The following PRKCI variants were observed in gnomAD, a reference collection of about 807,000 sequenced individuals.
PRKCI encodes protein kinase C iota type.
PRKCI carries 43 observed loss-of-function variants against 84.0 expected under a neutral mutation model. The ratio of observed to expected loss-of-function variants is 0.51; its 90% CI spans 0.40 to 0.66. The LOEUF is 0.66. Ranked by LOEUF, PRKCI falls within the 30% of genes least tolerant of loss-of-function variation. The probability of loss-of-function intolerance (pLI) is 0.00; values close to 1 mark genes in which losing one functional copy is unlikely to be tolerated. For synonymous variants in PRKCI, 216 were observed against 234.4 expected, an observed-to-expected ratio of 0.92 and a Z score of 0.72; for missense variants, 459 against 745.6, an observed-to-expected ratio of 0.62 and a Z score of 4.48.
intron 2 of PRKCI, among the ~76,000 whole-genome samples, chr3:170,253,346 C>T (rs1733501030): frequency 6.6e-6 from 1 of 152,176 alleles, no homozygotes; most frequent in South Asian, 2.1e-4. Flanking sequence ...TCCTTTCCAG[C>T]ATTTGTTATT....
At chr3:170,271,212 A>C (rs1343650120) in intron 6 of PRKCI, among the ~76,000 whole-genome samples, 1 of 152,172 alleles carries the variant, frequency 6.6e-6, no homozygotes, top group Non-Finnish European at 1.5e-5. Context: ...AAACATGTAT[A>C]AGAGTAGGTG....
intron 2 of PRKCI, among the ~76,000 whole-genome samples, chr3:170,249,733 G>A (rs1340656897): frequency 6.6e-6 from 1 of 151,548 alleles, no homozygotes; most frequent in Non-Finnish European, 1.5e-5. Flanking sequence ...GGAGGTCAAG[G>A]CTGCAGTGAA....
At chr3:170,271,603 G>A (rs1459168104) in intron 6 of PRKCI, among the ~76,000 whole-genome samples, 1 of 151,286 alleles carries the variant, frequency 6.6e-6, no homozygotes, top group African/African-American at 2.4e-5. Context: ...CAATTTAATT[G>A]TAAAAGAAAC....
intron 17 of PRKCI, 36 bp from the exon 18 acceptor site, chr3:170,303,004 A>G: frequency 6.9e-7 from 1 of 1,439,352 alleles, no homozygotes. Flanking sequence ...AGAAATCTTG[A>G]TTATGATGAA....
Position 170,303,319 on chromosome 3 carries a change from T to G in PRKCI, c.*192T>G. 1 of 385,624 alleles carries G rather than the reference T, an allele frequency of 2.6e-6. No homozygotes were observed. The highest frequency in any genetic ancestry group is 1.1e-4 in the South Asian group (1 of 9,048). 23.9% of individuals were successfully genotyped at this position (385,624 alleles called of 1,614,324 possible). ...TGAAAAAAAAATTAATACTACTAGC[T>G]TCCAGACAATCATGTCAAAATTTAG... On this transcript the variant is annotated 3_prime_UTR_variant, in exon 18 of 18. Transcript: ENST00000295797.
intron 2 of PRKCI, among the ~76,000 whole-genome samples, chr3:170,254,631 T>C (rs1733538406): frequency 6.6e-6 from 1 of 152,168 alleles, no homozygotes; most frequent in South Asian, 2.1e-4. Flanking sequence ...ATGAGTTCAC[T>C]CTAGATGTAT....
intron 11 of PRKCI, among the ~76,000 whole-genome samples, chr3:170,283,100 G>A (rs1398781841): frequency 8.3e-5 from 12 of 144,562 alleles, no homozygotes; most frequent in Non-Finnish European, 1.6e-4. Context: ...GCGAGACTCC[G>A]TCTCAAAAAA....
chr3:170,298,402 ATTTTTTT>A (rs1207108049), intron 16 of PRKCI, among the ~76,000 whole-genome samples: 3 of 129,592 alleles, frequency 2.3e-5, no homozygotes, highest in East Asian at 4.5e-4. Context: ...CTAATTTTCA[ATTTTTTT>A]TTTTTTTTTT....
chr3:170,234,907 C>T (rs949518662), intron 1 of PRKCI, among the ~76,000 whole-genome samples: 1 of 151,760 alleles, frequency 6.6e-6, no homozygotes, highest in Non-Finnish European at 1.5e-5. Context: ...TGTTCCCCCC[C>T]TGAGAAGGAT....
chr3:170,294,020 T>C (rs1010546861), intron 14 of PRKCI, among the ~76,000 whole-genome samples: 12 of 152,212 alleles, frequency 7.9e-5, no homozygotes, highest in Middle Eastern at 6.3e-3. Context: ...ATACATTCTT[T>C]CTTTTCTATA....
intron 2 of PRKCI, among the ~76,000 whole-genome samples, chr3:170,244,037 G>A (rs1733207987): frequency 6.6e-6 from 1 of 152,206 alleles, no homozygotes; most frequent in South Asian, 2.1e-4. Context: ...TTCATCGCTG[G>A]TTCCTGACAG....
At chr3:170,252,387 G>A (rs1253310375) in intron 2 of PRKCI, among the ~76,000 whole-genome samples, 1 of 152,070 alleles carries the variant, frequency 6.6e-6, no homozygotes, top group African/African-American at 2.4e-5. Context: ...ATGTGTTTAT[G>A]GGGTACATGA....
At chr3:170,266,479 C>T (rs903108869) in intron 4 of PRKCI, among the ~76,000 whole-genome samples, 6 of 151,604 alleles carry the variant, frequency 4.0e-5, no homozygotes, top group Non-Finnish European at 5.9e-5. Context: ...TTTAATACTG[C>T]CTCTAATCGT....
chr3:170,294,040 C>T (rs1734635519), intron 14 of PRKCI, among the ~76,000 whole-genome samples: 1 of 152,086 alleles, frequency 6.6e-6, no homozygotes, highest in African/African-American at 2.4e-5. Context: ...AGTCTTCACT[C>T]CTGTTCACAG....
intron 2 of PRKCI, among the ~76,000 whole-genome samples, chr3:170,252,305 G>C (rs551152428): frequency 7.1e-6 from 1 of 141,622 alleles, no homozygotes; most frequent in Non-Finnish European, 1.5e-5. Context: ...GAAATACTTG[G>C]CCAAATTTTA....
chr3:170,247,862 T>C (rs1733329630), intron 2 of PRKCI, among the ~76,000 whole-genome samples: 1 of 151,918 alleles, frequency 6.6e-6, no homozygotes, highest in Non-Finnish European at 1.5e-5. Context: ...ACTACTGTTG[T>C]TATTGGGCCT....
chr3:170,256,591 A>G (rs1733587237), intron 2 of PRKCI, among the ~76,000 whole-genome samples: 1 of 151,674 alleles, frequency 6.6e-6, no homozygotes, highest in Admixed American at 6.6e-5. Context: ...AGGTTTGTTG[A>G]TACTATTTGT....
At chr3:170,293,292 TTTC>T (rs1734608218) in intron 13 of PRKCI, 88 bp from the exon 14 acceptor site, 1 of 1,306,112 alleles carries the variant, frequency 7.7e-7, no homozygotes, top group Admixed American at 2.4e-5. Flanking sequence ...TTTTTCATTG[TTTC>T]TTTTTCCTTT....
At chr3:170,239,448 C>T (rs1345472138) in intron 2 of PRKCI, among the ~76,000 whole-genome samples, 1 of 152,138 alleles carries the variant, frequency 6.6e-6, no homozygotes, top group African/African-American at 2.4e-5. Flanking sequence ...TCATTTCATA[C>T]CATTTATTTG....
Sources: gnomAD v4.1 joint callset for allele counts (sites outside exome capture counted in the v4.1 genomes callset) on GRCh38, gnomAD v4.1.1 for gene constraint, MANE v1.5 for transcripts, NCBI Gene and HGNC (gene_info 2026-07-23, HGNC 2026-07-21) for gene names.